Variants in ERI3 observed in about 807,000 individuals in gnomAD.
ERI3 encodes the protein ERI1 exoribonuclease 3.
ERI3 carries 18 observed loss-of-function variants against 44.4 expected under a neutral mutation model. The ratio of observed to expected loss-of-function variants is 0.41; its 90% CI spans 0.28 to 0.60. ERI3 has a LOEUF of 0.60. Ranked by LOEUF, ERI3 falls within the 20% of genes least tolerant of loss-of-function variation. ERI3 has a pLI of 0.36. For synonymous variants in ERI3, 183 were observed against 164.8 expected, an observed-to-expected ratio of 1.11 and a Z score of -0.84; for missense variants, 294 against 435.5, an observed-to-expected ratio of 0.68 and a Z score of 2.89.
intron 8 of ERI3, among the ~76,000 whole-genome samples, chr1:44,222,738 C>T (rs374683369): frequency 6.6e-6 from 1 of 152,248 alleles, no homozygotes; most frequent in East Asian, 1.9e-4. Flanking sequence ...CCTGCCTCTT[C>T]TCCCACCTCC....
At chr1:44,348,959 A>C (rs1646837905) in intron 2 of ERI3, among the ~76,000 whole-genome samples, 1 of 152,194 alleles carries the variant, frequency 6.6e-6, no homozygotes, top group Non-Finnish European at 1.5e-5. Context: ...GGTGAAAAGT[A>C]ATTTTAAAAA....
intron 2 of ERI3, among the ~76,000 whole-genome samples, chr1:44,341,708 G>A (rs192423435): frequency 3.0e-4 from 46 of 152,152 alleles, no homozygotes; most frequent in Admixed American, 1.5e-3. Context: ...GAAACATAGT[G>A]AGACCCAATC....
intron 7 of ERI3, among the ~76,000 whole-genome samples, chr1:44,251,002 C>T (rs1375716740): frequency 2.0e-5 from 3 of 152,204 alleles, no homozygotes; most frequent in Non-Finnish European, 2.9e-5. Flanking sequence ...ACCAGCCTCA[C>T]GGGGCCACCC....
At chr1:44,315,950 G>A (rs1646078420) in intron 4 of ERI3, among the ~76,000 whole-genome samples, 1 of 150,784 alleles carries the variant, frequency 6.6e-6, no homozygotes, top group Admixed American at 6.6e-5. Flanking sequence ...CCAAGAATTT[G>A]AGACCAGCTT....
At chr1:44,313,146 G>A in intron 5 of ERI3, 23 bp downstream of exon 5, 1 of 1,611,992 alleles carries the variant, frequency 6.2e-7, no homozygotes, top group Non-Finnish European at 8.5e-7. Flanking sequence ...CAGAGGTCAG[G>A]AATTAAAGGT....
intron 7 of ERI3, among the ~76,000 whole-genome samples, chr1:44,280,380 T>C (rs1249387938): frequency 1.3e-5 from 2 of 152,188 alleles, no homozygotes; most frequent in African/African-American, 4.8e-5. Context: ...TTCTCTACAT[T>C]TCCACTGCTA....
rs1294935157 is a variant in ERI3, at chr1:44,252,437, CG to C, written c.832-4400del. On this transcript the variant is annotated intron_variant, in intron 7 of 8. Transcript: ENST00000372257. This position sits in a 1 kb window ranked among gnomAD's most constrained non-coding sequence, Gnocchi z 4.7. ...CTGCCGCATAGCCCTGCTGTAGGTG[CG>C]GCGGGTGGCCCCCTGTGTAACAGGG... 2.6e-5 allele frequency among the ~76,000 whole-genome samples: 4 copies of C among 152,242 alleles called. No individual in the cohort carries two copies. The highest frequency in any genetic ancestry group is 5.9e-5 in the Non-Finnish European group (4 of 68,040).
At chr1:44,342,619 G>C (rs925663014) in intron 2 of ERI3, among the ~76,000 whole-genome samples, 6 of 149,634 alleles carry the variant, frequency 4.0e-5, no homozygotes, top group Non-Finnish European at 8.9e-5. Flanking sequence ...AGTAACAATG[G>C]CAATGAGCAC....
In ERI3 at chr1:44,321,660, C is replaced by G. The variant is rs16831915; in HGVS notation, c.490-1916G>C. 9.4e-3 allele frequency among the ~76,000 whole-genome samples: 1,427 copies of G among 152,288 alleles called. 10 individuals are homozygous for G. The highest frequency in any genetic ancestry group is 0.015 in the Non-Finnish European group (1,050 of 68,020). On this transcript the variant is annotated intron_variant, in intron 3 of 8. Coordinates refer to ENST00000372257, the MANE Select transcript of ERI3 (RefSeq NM_024066.3). ...TTTTCCGATGTGTCCTTCCTCTTCC[C>G]CTAAGTAGAAGAAACACTTCCTCAA...
intron 8 of ERI3, among the ~76,000 whole-genome samples, chr1:44,237,039 A>C (rs1380830797): frequency 6.6e-6 from 1 of 151,924 alleles, no homozygotes; most frequent in Admixed American, 6.6e-5. Flanking sequence ...TTAACCCTCA[A>C]ATGGGCTGGT....
chr1:44,265,587 C>T (rs71653911), intron 7 of ERI3, among the ~76,000 whole-genome samples: 7,324 of 151,512 alleles, frequency 0.048, 223 homozygotes, highest in South Asian at 0.11. Flanking sequence ...AGTGAACTCG[C>T]ACATGAATGT....
At chr1:44,236,197 G>C (rs1211132732) in intron 8 of ERI3, among the ~76,000 whole-genome samples, 1 of 152,070 alleles carries the variant, frequency 6.6e-6, no homozygotes, top group Non-Finnish European at 1.5e-5. Context: ...GGCACCCAGG[G>C]GTGGGCCAGG....
At chr1:44,352,819 G>A (rs1572362502) in intron 2 of ERI3, 31 bp downstream of exon 2, 1 of 1,612,850 alleles carries the variant, frequency 6.2e-7, no homozygotes, top group South Asian at 1.1e-5. Flanking sequence ...AGAAAATAAA[G>A]CCAGACTTGA....
Position 44,355,190 on chromosome 1 carries a change from C to G in ERI3, c.-164G>C. On this transcript the variant is annotated 5_prime_UTR_variant, in exon 1 of 9. Coordinates refer to ENST00000372257, the MANE Select transcript of ERI3 (RefSeq NM_024066.3). Reference sequence around the variant, plus strand: ...AGAGGCAGGGCCAGCTCCGCCCGCTCCCCACCGCCCGTTCCCGGCCGCCTG... The same window carrying G: ...AGAGGCAGGGCCAGCTCCGCCCGCTGCCCACCGCCCGTTCCCGGCCGCCTG... 8.3e-7 allele frequency: 1 copy of G among 1,201,224 alleles called. No homozygotes were observed. Among genetic ancestry groups the G allele is most frequent in the Non-Finnish European group, 1.0e-6 (1 of 968,182 alleles). The allele number at this position is 1,201,224 out of a possible 1,614,324, so 74.4% of individuals were successfully genotyped here.
At chr1:44,303,773 G>C (rs1645776263) in intron 6 of ERI3, among the ~76,000 whole-genome samples, 1 of 152,108 alleles carries the variant, frequency 6.6e-6, no homozygotes, top group Non-Finnish European at 1.5e-5. Context: ...TTGAGGGCAA[G>C]GGCAAACCTT....
intron 4 of ERI3, among the ~76,000 whole-genome samples, chr1:44,313,967 TTTTGG>T (rs2154328436): frequency 6.6e-6 from 1 of 152,058 alleles, no homozygotes; most frequent in African/African-American, 2.4e-5. Flanking sequence ...TTTTGCTTTG[TTTTGG>T]TTTGGTTTAA....
chr1:44,269,583 C>A (rs1415523252), intron 7 of ERI3, among the ~76,000 whole-genome samples: 1 of 152,226 alleles, frequency 6.6e-6, no homozygotes, highest in Non-Finnish European at 1.5e-5. Flanking sequence ...AATGGGTACA[C>A]CCTCTTACAC....
chr1:44,320,406 T>A (rs1646175296), intron 3 of ERI3, among the ~76,000 whole-genome samples: 1 of 151,972 alleles, frequency 6.6e-6, no homozygotes, highest in Non-Finnish European at 1.5e-5. Context: ...GGACAAGGAG[T>A]GACAATTTGT....
chr1:44,237,343 C>T (rs188402382), intron 8 of ERI3, among the ~76,000 whole-genome samples: 22 of 152,278 alleles, frequency 1.4e-4, no homozygotes, highest in African/African-American at 5.3e-4. Context: ...GGGAAGGCTC[C>T]ATCATCTCCC....
Sources: allele counts gnomAD v4.1 joint callset (sites outside exome capture counted in the v4.1 genomes callset), GRCh38; gene constraint gnomAD v4.1.1; non-coding constraint Gnocchi (gnomAD v3.1); transcripts MANE v1.5; gene names NCBI Gene and HGNC (gene_info 2026-07-23, HGNC 2026-07-21).